The following TANC2 variants were observed in gnomAD, a reference collection of about 807,000 sequenced individuals.
The protein encoded by TANC2 is tetratricopeptide repeat, ankyrin repeat and coiled-coil containing 2, also known as protein TANC2.
TANC2 carries 26 observed loss-of-function variants against 210.5 expected under a neutral mutation model. The ratio of observed to expected loss-of-function variants is 0.12; its 90% confidence interval spans 0.09 to 0.17. The LOEUF (loss-of-function observed/expected upper bound fraction) is 0.17. TANC2 is among the 10% of genes least tolerant of loss of function. The pLI, the probability that TANC2 is intolerant of heterozygous loss-of-function variation, is 1.00. For missense variants in TANC2, 2,129 were observed against 2,608.9 expected (o/e 0.82, Z 4.01); for synonymous variants, 931 against 967.1 (o/e 0.96, Z 0.69).
chr17:63,375,099 C>T (rs749218101), intron 14 of TANC2, among the ~76,000 whole-genome samples: 3 of 152,030 alleles, frequency 2.0e-5, no homozygotes, highest in Admixed American at 6.5e-5. Context: ...TCCAGCAGAC[C>T]GAGAAGCAGA....
In TANC2 at chr17:63,340,371, T is replaced by G. The variant is rs1192616791; in HGVS notation, c.1807+39T>G. 2.6e-6 allele frequency: 4 copies of G among 1,563,444 alleles called. No homozygotes were observed. In the African/African-American group the frequency reaches 4.1e-5, roughly 16 times the overall value. On this transcript the variant is annotated intron_variant, in intron 12 of 27. Coordinates refer to ENST00000689528, the Ensembl canonical transcript of TANC2. Reference sequence around the variant, plus strand: ...CCAAAGGAGGGGAAAGATGGAGGTTTAGAGCCCAAGTTCACCCGGGTCATA... The same window carrying G: ...CCAAAGGAGGGGAAAGATGGAGGTTGAGAGCCCAAGTTCACCCGGGTCATA...
chr17:63,299,916 G>T lies in TANC2; in HGVS notation c.1160-14472G>T, dbSNP rs372720594. Reference sequence around the variant, plus strand: ...TCTTCTGGGGTTTTTATGGTTTAGGGTTTTACATTTAGGTCTTTAATCCAT... The same window carrying T: ...TCTTCTGGGGTTTTTATGGTTTAGGTTTTTACATTTAGGTCTTTAATCCAT... On this transcript the variant is annotated intron_variant, in intron 9 of 27. Transcript: ENST00000689528. 4.6e-5 allele frequency among the ~76,000 whole-genome samples: 7 copies of T among 152,178 alleles called. No homozygotes were observed. In the East Asian group the frequency reaches 9.6e-4, roughly 21 times the overall value.
At chr17:62,994,924 G>T (rs1157845455) in intron 1 of TANC2, among the ~76,000 whole-genome samples, 1 of 152,046 alleles carries the variant, frequency 6.6e-6, no homozygotes, top group African/African-American at 2.4e-5. Flanking sequence ...TTCTTGTATT[G>T]TTTACTGTGT....
At chr17:63,073,744 G>A (rs1363753885) in intron 2 of TANC2, among the ~76,000 whole-genome samples, 199 bp from the exon 3 acceptor site, 1 of 152,142 alleles carries the variant, frequency 6.6e-6, no homozygotes, top group Admixed American at 6.5e-5. Flanking sequence ...AAGACTTCAA[G>A]AGGGGAGTGT....
At chr17:63,283,944 G>A (rs2044142318) in intron 9 of TANC2, among the ~76,000 whole-genome samples, 1 of 151,718 alleles carries the variant, frequency 6.6e-6, no homozygotes, top group Admixed American at 6.6e-5. Context: ...GATAATCTTA[G>A]TTCTTCCTTT....
chr17:63,110,506 C>G (rs1223189106), intron 4 of TANC2, among the ~76,000 whole-genome samples: 3 of 151,630 alleles, frequency 2.0e-5, no homozygotes, highest in Admixed American at 6.6e-5. Flanking sequence ...GCTGGGAAGT[C>G]TAAGATCAAG....
intron 2 of TANC2, among the ~76,000 whole-genome samples, chr17:63,050,672 GA>G (rs1481276686): frequency 6.6e-6 from 1 of 152,156 alleles, no homozygotes; most frequent in Admixed American, 6.5e-5. Flanking sequence ...CAAGTGAAGA[GA>G]AGACTTCAAG....
At chr17:63,099,268 T>C in exon 4 of TANC2, 1 of 1,603,360 alleles carries the variant, frequency 6.2e-7, no homozygotes, top group Non-Finnish European at 8.5e-7. Flanking sequence ...ATTCGGATTA[T>C]GGAGGGCATG....
chr17:63,009,046 A>T (rs1459936589), intron 1 of TANC2, among the ~76,000 whole-genome samples: 1 of 152,088 alleles, frequency 6.6e-6, no homozygotes, highest in African/African-American at 2.4e-5. Flanking sequence ...TAAATGTTTA[A>T]TAGTCTTTTT....
intron 9 of TANC2, among the ~76,000 whole-genome samples, chr17:63,273,263 A>C (rs757024868): frequency 7.9e-5 from 12 of 152,162 alleles, no homozygotes; most frequent in Non-Finnish European, 1.3e-4. Flanking sequence ...ACTGCACTCC[A>C]GTCTGGGTGA....
intron 6 of TANC2, among the ~76,000 whole-genome samples, chr17:63,194,447 T>C (rs1321372339): frequency 1.3e-5 from 2 of 152,186 alleles, no homozygotes; most frequent in Non-Finnish European, 2.9e-5. Context: ...ATGTGGATTA[T>C]TTACCGAATT....
chr17:63,351,064 G>A (rs1055521047), intron 12 of TANC2, among the ~76,000 whole-genome samples, 186 bp from the exon 13 acceptor site: 11 of 152,024 alleles, frequency 7.2e-5, no homozygotes, highest in African/African-American at 1.9e-4. Context: ...CTGATTAAAA[G>A]CAAAATGAAT....
At chr17:62,991,654 C>CA (rs893224137) in intron 1 of TANC2, among the ~76,000 whole-genome samples, 57 of 145,772 alleles carry the variant, frequency 3.9e-4, no homozygotes, top group Middle Eastern at 3.5e-3. Context: ...AAAAAAAAAA[C>CA]AAAAAAACAA....
At chr17:63,315,524 ATTC>A (rs1350501172) in intron 10 of TANC2, among the ~76,000 whole-genome samples, 2 of 152,226 alleles carry the variant, frequency 1.3e-5, no homozygotes, top group Non-Finnish European at 2.9e-5. Flanking sequence ...ATGTATCAGT[ATTC>A]TTCTTATACA....
intron 5 of TANC2, among the ~76,000 whole-genome samples, chr17:63,158,504 G>T (rs2039914881): frequency 6.6e-6 from 1 of 152,176 alleles, no homozygotes; most frequent in South Asian, 2.1e-4. Context: ...GTTTTGACAC[G>T]CAAGAAGCTG....
At chr17:63,275,680 T>C (rs1399443466) in intron 9 of TANC2, among the ~76,000 whole-genome samples, 5 of 152,138 alleles carry the variant, frequency 3.3e-5, no homozygotes, top group African/African-American at 7.2e-5. Context: ...ACAAGTAAGA[T>C]TAAATTTTCT....
chr17:63,035,359 G>A lies in TANC2; in HGVS notation c.67+25733G>A, dbSNP rs146920492. 6.0e-3 allele frequency among the ~76,000 whole-genome samples: 918 copies of A among 152,212 alleles called. 11 individuals are homozygous for A. Among genetic ancestry groups the A allele is most frequent in the African/African-American group, 0.021 (881 of 41,542 alleles). Reference sequence around the variant, plus strand: ...ATAAACATAACTTTTGTCTGCACTGGGCAAACAAGAAATTTGTGTGACTCG... The same window carrying A: ...ATAAACATAACTTTTGTCTGCACTGAGCAAACAAGAAATTTGTGTGACTCG... On this transcript the variant is annotated intron_variant, in intron 2 of 27. Coordinates refer to ENST00000689528, the Ensembl canonical transcript of TANC2.
At position 63,340,281 on chromosome 17, in the gene TANC2, A is replaced by T. The variant is rs199687343; in HGVS notation, c.1756A>T (p.Met586Leu). The change falls in exon 12 of 28, where the codon ATG (methionine) becomes TTG (leucine). Residue 586 changes from methionine to leucine, a missense_variant. By Grantham distance (15) the Met-to-Leu change is conservative. This residue lies in a region of TANC2 where 739 missense variants were observed against 848.0 expected (regional missense o/e 0.87). Transcript: ENST00000689528. Reference sequence around the variant, plus strand: ...CCTTCGTTCCTGTGTTCAAGACCCCATGGCCTCCTTCCGGAGGGGAGTTCT... The same window carrying T: ...CCTTCGTTCCTGTGTTCAAGACCCCTTGGCCTCCTTCCGGAGGGGAGTTCT... 96 of 1,613,892 alleles carry T rather than the reference A, an allele frequency of 5.9e-5. No individual in the cohort carries two copies. Among genetic ancestry groups the T allele is most frequent in the Non-Finnish European group, 7.3e-5 (86 of 1,179,854 alleles).
intron 1 of TANC2, among the ~76,000 whole-genome samples, chr17:62,989,862 C>T (rs2143557788): frequency 6.6e-6 from 1 of 150,806 alleles, no homozygotes; most frequent in Middle Eastern, 3.5e-3. Flanking sequence ...ACCTCGTCTC[C>T]TGGGTTCAAG....
Sources: gnomAD v4.1 joint callset for allele counts (sites outside exome capture counted in the v4.1 genomes callset) on GRCh38, gnomAD v4.1.1 for gene constraint, gnomAD v4.1.1 regional missense constraint, MANE v1.5 for transcripts, NCBI Gene and HGNC (gene_info 2026-07-23, HGNC 2026-07-21) for gene names.